Variants in MTF2 observed in about 807,000 individuals in gnomAD.
MTF2 encodes metal response element binding transcription factor 2.
In MTF2, 11 loss-of-function variants were observed where a neutral mutation model predicts 79.5. The observed-to-expected ratio is 0.14, with a 90% CI of 0.09 to 0.23. MTF2 has a LOEUF of 0.23. Among genes scored for constraint, MTF2 ranks in the 10% least tolerant of loss-of-function variants. MTF2 has a pLI of 1.00. For missense variants in MTF2, 486 were observed against 711.2 expected, an observed-to-expected ratio of 0.68 and a Z score of 3.60; for synonymous variants, 208 against 232.8, an observed-to-expected ratio of 0.89 and a Z score of 0.97.
chr1:93,105,268 A>T, intron 1 of MTF2, among the ~76,000 whole-genome samples: 1 of 152,126 alleles, frequency 6.6e-6, no homozygotes, highest in African/African-American at 2.4e-5. Context: ...AGCGTGTATA[A>T]CTTTACCCCG....
intron 11 of MTF2, among the ~76,000 whole-genome samples, chr1:93,132,871 C>T (rs1656973458): frequency 6.6e-6 from 1 of 152,102 alleles, no homozygotes; most frequent in Admixed American, 6.5e-5. Context: ...CACTTTCTAA[C>T]TATATTGTGA....
At chr1:93,099,822 T>A (rs1263576480) in intron 1 of MTF2, among the ~76,000 whole-genome samples, 1 of 152,106 alleles carries the variant, frequency 6.6e-6, no homozygotes, top group East Asian at 1.9e-4. Context: ...GAAATTATCA[T>A]TGACAGTTTG....
At chr1:93,095,295 C>T (rs181355736) in intron 1 of MTF2, among the ~76,000 whole-genome samples, 18 of 152,234 alleles carry the variant, frequency 1.2e-4, no homozygotes, top group Admixed American at 2.6e-4. Flanking sequence ...CACCTGGCTT[C>T]CAAGTGTCCT....
intron 1 of MTF2, among the ~76,000 whole-genome samples, chr1:93,082,156 G>T (rs1488511676): frequency 6.6e-6 from 1 of 151,786 alleles, no homozygotes; most frequent in African/African-American, 2.4e-5. Flanking sequence ...TATTAGGAAC[G>T]TTTTGTTGTT....
At chr1:93,085,595 T>C (rs1212908357) in intron 1 of MTF2, among the ~76,000 whole-genome samples, 1 of 151,720 alleles carries the variant, frequency 6.6e-6, no homozygotes, top group East Asian at 1.9e-4. Context: ...CAAGTGATCC[T>C]TCCACCTCAG....
At chr1:93,100,819 C>T (rs951169264) in intron 1 of MTF2, among the ~76,000 whole-genome samples, 1 of 152,204 alleles carries the variant, frequency 6.6e-6, no homozygotes, top group African/African-American at 2.4e-5. Context: ...AATGCAGTGC[C>T]AAGCTTAAGC....
At chr1:93,133,252 G>C (rs543426230) in intron 11 of MTF2, among the ~76,000 whole-genome samples, 293 of 152,096 alleles carry the variant, frequency 1.9e-3, no homozygotes, top group African/African-American at 6.9e-3. Context: ...TGTTAACATA[G>C]ATATTTCCTG....
chr1:93,137,057 C>G lies in MTF2; in HGVS notation c.*30C>G, dbSNP rs1014542091. Reference sequence around the variant, plus strand: ...AGGACTGAACATTATGTTCACTGCACTCTGATTTTCTGTAGGTACAGTTCA... The same window carrying G: ...AGGACTGAACATTATGTTCACTGCAGTCTGATTTTCTGTAGGTACAGTTCA... On this transcript the variant is annotated 3_prime_UTR_variant, in exon 15 of 15. Coordinates refer to ENST00000370298, the MANE Select transcript of MTF2 (RefSeq NM_007358.4). 2 of 1,560,904 alleles carry G rather than the reference C, an allele frequency of 1.3e-6. No homozygotes were observed. Among genetic ancestry groups the G allele is most frequent in the Admixed American group, 3.4e-5 (2 of 59,092 alleles).
Position 93,102,800 on chromosome 1 carries a change from G to A in MTF2, c.6-7430G>A, listed in dbSNP as rs575510332. Among the ~76,000 whole-genome samples, 5 of 152,138 alleles carry A rather than the reference G, an allele frequency of 3.3e-5. No homozygotes were observed. In the East Asian group the frequency reaches 9.7e-4, roughly 29 times the overall value. On this transcript the variant is annotated intron_variant, in intron 1 of 14. Coordinates refer to ENST00000370298, the MANE Select transcript of MTF2 (RefSeq NM_007358.4). ...TATTTAAAAATACACATATGAGGAT[G>A]GGGGGATATGGGTATATAAATGAAA... is the stretch of plus-strand genomic sequence containing the variant.
intron 3 of MTF2, 80 bp downstream of exon 3, chr1:93,110,706 G>A: frequency 9.0e-7 from 1 of 1,110,924 alleles, no homozygotes; most frequent in Admixed American, 1.9e-5. Context: ...GATGTTGTCT[G>A]TTGAATACAG....
At chr1:93,127,823 CT>C (rs11376100) in intron 10 of MTF2, among the ~76,000 whole-genome samples, 1 of 149,742 alleles carries the variant, frequency 6.7e-6, no homozygotes, top group Non-Finnish European at 1.5e-5. Flanking sequence ...CTTATTTTTA[CT>C]TTTTTTTTAA....
intron 1 of MTF2, among the ~76,000 whole-genome samples, chr1:93,109,622 A>G (rs1006524449): frequency 2.8e-4 from 43 of 151,934 alleles, no homozygotes; most frequent in African/African-American, 9.9e-4. Flanking sequence ...GGCATGAGCC[A>G]CCGCACCTGG....
chr1:93,116,799 C>A (rs1235476122), intron 6 of MTF2, among the ~76,000 whole-genome samples: 1 of 152,088 alleles, frequency 6.6e-6, no homozygotes, highest in Non-Finnish European at 1.5e-5. Flanking sequence ...CCACGCCTGG[C>A]CCCCACTGTA....
chr1:93,096,436 G>T (rs140821064), intron 1 of MTF2, among the ~76,000 whole-genome samples: 1 of 151,880 alleles, frequency 6.6e-6, no homozygotes, highest in Non-Finnish European at 1.5e-5. Context: ...CTTCCTAGAC[G>T]TCATGAATAA....
At chr1:93,121,621 G>A (rs1482052591) in intron 9 of MTF2, 3 of 976,188 alleles carry the variant, frequency 3.1e-6, no homozygotes, top group Admixed American at 6.2e-5. Context: ...GATTTAGTTT[G>A]TAGTTTTAAA....
At chr1:93,135,295 A>C (rs1357927308) in intron 14 of MTF2, among the ~76,000 whole-genome samples, 1 of 152,202 alleles carries the variant, frequency 6.6e-6, no homozygotes, top group Non-Finnish European at 1.5e-5. Context: ...TCTAAAGCAC[A>C]TCATGTCAGG....
At chr1:93,135,279 C>G (rs1000834039) in intron 14 of MTF2, among the ~76,000 whole-genome samples, 4 of 152,152 alleles carry the variant, frequency 2.6e-5, no homozygotes, top group Non-Finnish European at 5.9e-5. Context: ...GCCAGGACAA[C>G]TTTTCTCTAA....
intron 1 of MTF2, among the ~76,000 whole-genome samples, chr1:93,093,298 C>T (rs1463962431): frequency 1.3e-5 from 2 of 152,134 alleles, no homozygotes; most frequent in Non-Finnish European, 2.9e-5. Flanking sequence ...CAAAATTTGC[C>T]TAGTTTTCTT....
rs945022680 is a variant in MTF2, at chr1:93,138,554, T to C, written c.*1527T>C. The stretch of plus-strand genomic sequence containing the variant: ...AAGATGATCCTTTCTTGTCACATTA[T>C]AGCCAAAAGAAGCAGAGAACTTCAT... On this transcript the variant is annotated 3_prime_UTR_variant, in exon 15 of 15. Transcript: ENST00000370298. 6.6e-6 allele frequency: 1 copy of C among 152,250 alleles called. No homozygotes were observed. The highest frequency in any genetic ancestry group is 2.4e-5 in the African/African-American group (1 of 41,472). The allele number at this position is 152,250 out of a possible 1,614,324, so 9.4% of individuals were successfully genotyped here.
Sources: gnomAD v4.1 joint callset for allele counts (sites outside exome capture counted in the v4.1 genomes callset) on GRCh38, gnomAD v4.1.1 for gene constraint, MANE v1.5 for transcripts, NCBI Gene and HGNC (gene_info 2026-07-23, HGNC 2026-07-21) for gene names.